The following KSR2 variants were observed in gnomAD, a reference collection of about 807,000 sequenced individuals.
KSR2 encodes the protein kinase suppressor of ras 2.
In KSR2, 25 loss-of-function variants were observed where a neutral mutation model predicts 107.8. That is an observed-to-expected ratio of 0.23 (90% CI 0.17 to 0.32). The LOEUF (loss-of-function observed/expected upper bound fraction) is 0.32, where lower values mean the gene tolerates loss of function less well. KSR2 is among the 10% of genes least tolerant of loss of function. The pLI is 1.00. For synonymous variants in KSR2, 480 were observed against 507.0 expected, an observed-to-expected ratio of 0.95 and a Z score of 0.71; for missense variants, 887 against 1,268.9, an observed-to-expected ratio of 0.70 and a Z score of 4.57.
intron 5 of KSR2, among the ~76,000 whole-genome samples, chr12:117,585,326 T>A (rs1879923003): frequency 6.6e-6 from 1 of 152,178 alleles, no homozygotes; most frequent in Non-Finnish European, 1.5e-5. Flanking sequence ...AATCCTCTTT[T>A]ATTATAAGCA....
At position 117,474,364 on chromosome 12, in the gene KSR2, C is replaced by T. The variant is rs188310105; in HGVS notation, c.2582+2100G>A. Among the ~76,000 whole-genome samples the T allele has an allele frequency of 1.2e-4, 19 of 152,250 alleles. No homozygotes were observed. In the East Asian group the frequency reaches 2.7e-3, roughly 22 times the overall value. On this transcript the variant is annotated intron_variant, in intron 17 of 19. Coordinates refer to ENST00000339824, the MANE Select transcript of KSR2 (RefSeq NM_173598.6). ...TAAAATAATCAGGCCAACTGACATC[C>T]TCTAAAGGGGCCCAAGCAACAGATG... is the stretch of plus-strand genomic sequence containing the variant.
chr12:117,477,787 TCCTTGCTGTTGGG>T (rs1163618447), intron 16 of KSR2, among the ~76,000 whole-genome samples: 1 of 152,186 alleles, frequency 6.6e-6, no homozygotes, highest in Non-Finnish European at 1.5e-5. Context: ...TACAACCAAC[TCCTTGCTGTTGGG>T]CCTTGGGCGG....
chr12:117,863,025 G>A (rs1031222775), intron 1 of KSR2, among the ~76,000 whole-genome samples: 10 of 152,094 alleles, frequency 6.6e-5, no homozygotes, highest in Admixed American at 5.2e-4. Context: ...CACCGCACCC[G>A]GCCTTCCATT....
chr12:117,909,641 A>G (rs769516817), intron 1 of KSR2, among the ~76,000 whole-genome samples: 1 of 151,942 alleles, frequency 6.6e-6, no homozygotes, highest in Non-Finnish European at 1.5e-5. Flanking sequence ...GGTGGCTCAC[A>G]CCTGTAATCC....
At chr12:117,758,177 T>G (rs1335510593) in intron 4 of KSR2, among the ~76,000 whole-genome samples, 1 of 152,182 alleles carries the variant, frequency 6.6e-6, no homozygotes, top group Non-Finnish European at 1.5e-5. Context: ...AAAAGGCTAC[T>G]TCCTGGCAGG....
Position 117,894,198 on chromosome 12 carries a change from C to G in KSR2, c.181-33767G>C, listed in dbSNP as rs183130398. ...TGCTGGGATTACAGGCGTGAGCCACCGGCGCCCGGCCAAAATTCTTAAATA... is the reference window on the plus strand; with the variant it reads ...TGCTGGGATTACAGGCGTGAGCCACGGGCGCCCGGCCAAAATTCTTAAATA... On this transcript the variant is annotated intron_variant, in intron 1 of 19. Coordinates refer to ENST00000339824, the MANE Select transcript of KSR2 (RefSeq NM_173598.6). 6.4e-3 allele frequency among the ~76,000 whole-genome samples: 973 copies of G among 152,204 alleles called. 9 individuals carry two copies. Among genetic ancestry groups the G allele is most frequent in the African/African-American group, 0.022 (907 of 41,534 alleles).
At chr12:117,686,964 G>C (rs528232948) in intron 4 of KSR2, among the ~76,000 whole-genome samples, 11 of 152,272 alleles carry the variant, frequency 7.2e-5, no homozygotes, top group Admixed American at 2.6e-4. Flanking sequence ...GAAGATGCTG[G>C]GGCTGGCGGG....
intron 7 of KSR2, among the ~76,000 whole-genome samples, chr12:117,577,731 G>A (rs972767286): frequency 6.6e-6 from 1 of 152,066 alleles, no homozygotes; most frequent in African/African-American, 2.4e-5. Flanking sequence ...GCTTATTCAC[G>A]ACCACATGGA....
rs1045729936 is a variant in KSR2, at chr12:117,730,654, A to C, written c.986+30357T>G. Among the ~76,000 whole-genome samples, 13 of 152,212 alleles carry C rather than the reference A, an allele frequency of 8.5e-5. No individual in the cohort carries two copies. In the South Asian group the frequency reaches 1.7e-3, roughly 19 times the overall value. On this transcript the variant is annotated intron_variant, in intron 4 of 19. Coordinates refer to ENST00000339824, the MANE Select transcript of KSR2 (RefSeq NM_173598.6). ...CTGCCGAGTGCCTGGGATTGCAGGCACGCGCCGCCACGCCTGACTGGTTTT... is the reference window on the plus strand; with the variant it reads ...CTGCCGAGTGCCTGGGATTGCAGGCCCGCGCCGCCACGCCTGACTGGTTTT...
chr12:117,557,981 C>T (rs973195948), intron 8 of KSR2, among the ~76,000 whole-genome samples: 1 of 152,178 alleles, frequency 6.6e-6, no homozygotes, highest in African/African-American at 2.4e-5. Context: ...ATCCTGGTAG[C>T]GGCTCTCCCA....
At chr12:117,948,274 G>A (rs894439773) in intron 1 of KSR2, among the ~76,000 whole-genome samples, 11 of 151,946 alleles carry the variant, frequency 7.2e-5, no homozygotes, top group Admixed American at 2.0e-4. Context: ...GATCACCTGA[G>A]GTCAGGAGTT....
chr12:117,553,772 T>C (rs1047150456), intron 9 of KSR2, among the ~76,000 whole-genome samples: 5 of 152,068 alleles, frequency 3.3e-5, no homozygotes, highest in Non-Finnish European at 2.9e-5. Flanking sequence ...CTCTATTAAT[T>C]CCTGCTAGAG....
At chr12:117,562,175 AG>A (rs1008415974) in intron 7 of KSR2, among the ~76,000 whole-genome samples, 29 of 150,370 alleles carry the variant, frequency 1.9e-4, no homozygotes, top group African/African-American at 6.6e-4. Context: ...GGTGAGTTCA[AG>A]GGTCAAAAGT....
intron 3 of KSR2, among the ~76,000 whole-genome samples, chr12:117,793,722 CACCAGCATGCACTCAT>C (rs887054593): frequency 4.1e-5 from 6 of 147,148 alleles, no homozygotes; most frequent in African/African-American, 1.5e-4. Flanking sequence ...TGCACACTCA[CACCAGCATGCACTCAT>C]ACCATGCACA....
At chr12:117,951,491 C>T (rs2137571615) in intron 1 of KSR2, among the ~76,000 whole-genome samples, 1 of 152,246 alleles carries the variant, frequency 6.6e-6, no homozygotes, top group East Asian at 1.9e-4. Flanking sequence ...CCAGTGCCTT[C>T]GTGGGTGGGC....
intron 5 of KSR2, among the ~76,000 whole-genome samples, chr12:117,618,861 G>A (rs546178339): frequency 1.3e-5 from 2 of 152,248 alleles, no homozygotes; most frequent in East Asian, 3.9e-4. Flanking sequence ...TTTATCAGCA[G>A]CATGAAAACG....
At chr12:117,571,144 G>C (rs1308282758) in intron 7 of KSR2, among the ~76,000 whole-genome samples, 1 of 152,130 alleles carries the variant, frequency 6.6e-6, no homozygotes, top group Non-Finnish European at 1.5e-5. Flanking sequence ...TGTAATCCCA[G>C]CTACTCAGGA....
chr12:117,703,722 GA>G (rs1886413676), intron 4 of KSR2, among the ~76,000 whole-genome samples: 1 of 152,148 alleles, frequency 6.6e-6, no homozygotes, highest in Non-Finnish European at 1.5e-5. Flanking sequence ...TAGGCCAAAA[GA>G]AATTAAGGCA....
chr12:117,536,447 C>T (rs982141522), intron 10 of KSR2, among the ~76,000 whole-genome samples: 6 of 152,126 alleles, frequency 3.9e-5, no homozygotes, highest in South Asian at 2.1e-4. Flanking sequence ...TATTATTATT[C>T]GATTCTAAAA....
Sources: allele counts gnomAD v4.1 joint callset (sites outside exome capture counted in the v4.1 genomes callset), GRCh38; gene constraint gnomAD v4.1.1; transcripts MANE v1.5; gene names NCBI Gene and HGNC (gene_info 2026-07-23, HGNC 2026-07-21).